LRRTM4: variants seen among roughly 807,000 people sequenced by gnomAD.
LRRTM4 encodes leucine rich repeat transmembrane neuronal 4.
Under a neutral mutation model 47.6 loss-of-function variants are expected in LRRTM4, and 25 were observed. The ratio of observed to expected loss-of-function variants is 0.53; its 90% CI spans 0.38 to 0.73. The LOEUF (loss-of-function observed/expected upper bound fraction) is 0.73, where lower values mean the gene tolerates loss of function less well. LRRTM4 is among the 30% of genes least tolerant of loss of function. LRRTM4 has a pLI of 0.00. For synonymous variants in LRRTM4, 311 were observed against 269.5 expected, an observed-to-expected ratio of 1.15 and a Z score of -1.51; for missense variants, 638 against 713.4, an observed-to-expected ratio of 0.89 and a Z score of 1.20.
intron 3 of LRRTM4, among the ~76,000 whole-genome samples, chr2:77,078,735 A>G (rs923370585): frequency 1.4e-4 from 22 of 152,218 alleles, no homozygotes; most frequent in Non-Finnish European, 2.9e-4. Flanking sequence ...ATATGTACAA[A>G]CTTCTGTTAA....
chr2:77,185,509 T>C (rs1037758197), intron 3 of LRRTM4, among the ~76,000 whole-genome samples: 2 of 152,152 alleles, frequency 1.3e-5, no homozygotes, highest in African/African-American at 4.8e-5. Flanking sequence ...TATTTTACTT[T>C]ACCTATACAG....
chr2:76,938,926 C>G (rs1233928706), intron 3 of LRRTM4, among the ~76,000 whole-genome samples: 1 of 151,910 alleles, frequency 6.6e-6, no homozygotes, highest in East Asian at 1.9e-4. Flanking sequence ...TATGAGATTT[C>G]AAACATTATA....
At position 77,514,951 on chromosome 2, in the gene LRRTM4, A is replaced by G. The variant is rs1679152712; in HGVS notation, c.1551+3367T>C. Among the ~76,000 whole-genome samples the G allele has an allele frequency of 2.0e-5, 3 of 151,948 alleles. No individual in the cohort carries two copies. The South Asian group carries it at 6.2e-4, about 31-fold the overall frequency. ...ATGAGATAACATTATGCCAAGCTTC[A>G]CAAGCTATTTTTCAAAGTAAATATT... On this transcript the variant is annotated intron_variant, in intron 3 of 3. Coordinates refer to ENST00000409884, the MANE Select transcript of LRRTM4 (RefSeq NM_001134745.3).
At chr2:76,937,787 CGATCTCGT>C (rs913477833) in intron 3 of LRRTM4, among the ~76,000 whole-genome samples, 26 of 152,126 alleles carry the variant, frequency 1.7e-4, no homozygotes, top group Middle Eastern at 6.8e-3. Flanking sequence ...AGGATGGTCT[CGATCTCGT>C]GATCTCGTGA....
chr2:76,770,945 TA>T (rs1352132183), intron 3 of LRRTM4, among the ~76,000 whole-genome samples: 8 of 152,212 alleles, frequency 5.3e-5, no homozygotes, highest in Non-Finnish European at 1.0e-4. Context: ...AACAGAATGC[TA>T]CCACATGCTC....
intron 3 of LRRTM4, among the ~76,000 whole-genome samples, chr2:76,813,595 A>G (rs1670809782): frequency 6.6e-6 from 1 of 152,174 alleles, no homozygotes; most frequent in Admixed American, 6.6e-5. Context: ...AGTAAAAAAA[A>G]ATAATCTCAG....
intron 3 of LRRTM4, among the ~76,000 whole-genome samples, chr2:76,977,435 A>G (rs1216296604): frequency 6.6e-6 from 1 of 151,922 alleles, no homozygotes; most frequent in Non-Finnish European, 1.5e-5. Flanking sequence ...ATTTTATTGT[A>G]AGCTAACTCT....
chr2:77,355,065 T>A (rs182767882), intron 3 of LRRTM4, among the ~76,000 whole-genome samples: 1 of 152,308 alleles, frequency 6.6e-6, no homozygotes. Context: ...AAGAACATGA[T>A]CCTCTCATGC....
intron 3 of LRRTM4, among the ~76,000 whole-genome samples, chr2:77,089,633 A>G (rs1019412152): frequency 4.0e-5 from 6 of 150,882 alleles, no homozygotes; most frequent in African/African-American, 1.5e-4. Flanking sequence ...TTCCTTCACT[A>G]TGGGAACCTT....
At chr2:77,018,021 G>A (rs116149514) in intron 3 of LRRTM4, among the ~76,000 whole-genome samples, 1,882 of 151,624 alleles carry the variant, frequency 0.012, 42 homozygotes, top group African/African-American at 0.043. Context: ...CCATCTATGC[G>A]CATGTTTAGA....
At chr2:76,879,489 C>T (rs1213758022) in intron 3 of LRRTM4, among the ~76,000 whole-genome samples, 2 of 152,180 alleles carry the variant, frequency 1.3e-5, no homozygotes, top group African/African-American at 4.8e-5. Context: ...TTTAAGGCCA[C>T]TGATGAGACT....
chr2:77,505,807 T>C (rs939849455), intron 3 of LRRTM4, among the ~76,000 whole-genome samples: 1 of 151,500 alleles, frequency 6.6e-6, no homozygotes, highest in Non-Finnish European at 1.5e-5. Flanking sequence ...AAAGGGGACA[T>C]AGAAAGGAAT....
chr2:77,123,086 G>A (rs1572983832), intron 3 of LRRTM4, among the ~76,000 whole-genome samples: 1 of 151,646 alleles, frequency 6.6e-6, no homozygotes, highest in Non-Finnish European at 1.5e-5. Context: ...TTCTAACACT[G>A]AATGCCTAAA....
intron 3 of LRRTM4, among the ~76,000 whole-genome samples, chr2:77,502,596 GC>G (rs2104079977): frequency 6.6e-6 from 1 of 151,680 alleles, no homozygotes; most frequent in African/African-American, 2.4e-5. Context: ...TATTTATTGA[GC>G]TTTTATTGTA....
At chr2:76,898,695 G>T (rs376026874) in intron 3 of LRRTM4, among the ~76,000 whole-genome samples, 2 of 151,012 alleles carry the variant, frequency 1.3e-5, no homozygotes, top group African/African-American at 4.9e-5. Flanking sequence ...GCATCTGGAC[G>T]TATTAAATTT....
intron 3 of LRRTM4, among the ~76,000 whole-genome samples, chr2:77,003,026 C>T (rs1009315986): frequency 1.3e-5 from 2 of 152,058 alleles, no homozygotes; most frequent in African/African-American, 2.4e-5. Flanking sequence ...GTAGAATAGA[C>T]TTGACATATA....
At chr2:76,846,190 C>T (rs368515352) in intron 3 of LRRTM4, among the ~76,000 whole-genome samples, 13 of 152,028 alleles carry the variant, frequency 8.6e-5, no homozygotes, top group African/African-American at 2.2e-4. Context: ...AATTCCAAAA[C>T]GGGGAGTTGC....
At chr2:76,788,342 T>G (rs1422379595) in intron 3 of LRRTM4, among the ~76,000 whole-genome samples, 2 of 152,168 alleles carry the variant, frequency 1.3e-5, no homozygotes, top group East Asian at 3.8e-4. Flanking sequence ...ATATCCGTCT[T>G]GAATAACCAT....
At chr2:77,252,468 C>T (rs1475843674) in intron 3 of LRRTM4, among the ~76,000 whole-genome samples, 1 of 152,196 alleles carries the variant, frequency 6.6e-6, no homozygotes, top group Non-Finnish European at 1.5e-5. Flanking sequence ...CCATGCTATA[C>T]TTGCTGCTAT....
Sources: gnomAD v4.1 joint callset for allele counts (sites outside exome capture counted in the v4.1 genomes callset) on GRCh38, gnomAD v4.1.1 for gene constraint, MANE v1.5 for transcripts, NCBI Gene and HGNC (gene_info 2026-07-23, HGNC 2026-07-21) for gene names.